The following CNTNAP2 variants were observed in gnomAD, a reference collection of about 807,000 sequenced individuals.
CNTNAP2 encodes the protein contactin associated protein 2, also known as contactin-associated protein-like 2.
CNTNAP2 carries 98 observed loss-of-function variants against 155.2 expected under a neutral mutation model. The observed-to-expected ratio is 0.63, with a 90% CI of 0.54 to 0.75. The LOEUF (loss-of-function observed/expected upper bound fraction) is 0.75. CNTNAP2 is among the 30% of genes least tolerant of loss of function. The probability of loss-of-function intolerance (pLI) is 0.00; values close to 1 mark genes in which losing one functional copy is unlikely to be tolerated. For synonymous variants in CNTNAP2, 651 were observed against 631.2 expected, an observed-to-expected ratio of 1.03 and a Z score of -0.47; for missense variants, 1,727 against 1,688.1, an observed-to-expected ratio of 1.02 and a Z score of -0.40.
rs564905979 is a variant in CNTNAP2, at chr7:146,931,424, C to T, written c.402+91520C>T. On this transcript the variant is annotated intron_variant, in intron 3 of 23. Coordinates refer to ENST00000361727, the MANE Select transcript of CNTNAP2 (RefSeq NM_014141.6). ...ACACAACATACCAGAATCTCTGGGA[C>T]GCATTCAAAGCAGTGTGTAGAGGGA... Among the ~76,000 whole-genome samples, 125 of 148,516 alleles carry T rather than the reference C, an allele frequency of 8.4e-4. 2 individuals are homozygous for T. The highest frequency in any genetic ancestry group is 3.7e-3 in the East Asian group (19 of 5,156).
chr7:146,193,044 T>C (rs1167479544), intron 1 of CNTNAP2, among the ~76,000 whole-genome samples: 1 of 152,240 alleles, frequency 6.6e-6, no homozygotes, highest in Non-Finnish European at 1.5e-5. Flanking sequence ...TTTGACTCCA[T>C]GTCTCACATC....
intron 8 of CNTNAP2, among the ~76,000 whole-genome samples, chr7:147,199,877 T>C (rs1192405429): frequency 1.3e-5 from 2 of 152,150 alleles, no homozygotes; most frequent in Non-Finnish European, 2.9e-5. Context: ...AAATGTGGAA[T>C]TAGCTAGAGA....
intron 3 of CNTNAP2, among the ~76,000 whole-genome samples, chr7:146,847,544 A>C (rs1794784085): frequency 6.6e-6 from 1 of 152,226 alleles, no homozygotes; most frequent in Non-Finnish European, 1.5e-5. Context: ...TGTCTGGAAC[A>C]TATTAATCAC....
At chr7:147,029,059 G>C (rs1798977163) in intron 3 of CNTNAP2, among the ~76,000 whole-genome samples, 1 of 150,858 alleles carries the variant, frequency 6.6e-6, no homozygotes, top group Admixed American at 6.6e-5. Flanking sequence ...CGCCTCTCGG[G>C]TTCACGCCAT....
chr7:146,668,550 T>C (rs1800241582), intron 1 of CNTNAP2, among the ~76,000 whole-genome samples: 1 of 152,078 alleles, frequency 6.6e-6, no homozygotes, highest in Non-Finnish European at 1.5e-5. Context: ...CTTCAATTTT[T>C]TGAAATAGTT....
At chr7:148,007,713 A>T (rs1047050139) in intron 15 of CNTNAP2, among the ~76,000 whole-genome samples, 2 of 152,162 alleles carry the variant, frequency 1.3e-5, no homozygotes, top group African/African-American at 4.8e-5. Context: ...TTAGGGTATG[A>T]TTCTAGCTTC....
intron 1 of CNTNAP2, among the ~76,000 whole-genome samples, chr7:146,124,575 G>A (rs1365900230): frequency 6.6e-6 from 1 of 152,040 alleles, no homozygotes; most frequent in African/African-American, 2.4e-5. Context: ...GGCCTATGAT[G>A]CATTAAATTA....
chr7:146,831,831 A>G (rs1230314028), intron 2 of CNTNAP2, among the ~76,000 whole-genome samples: 1 of 152,060 alleles, frequency 6.6e-6, no homozygotes, highest in East Asian at 1.9e-4. Flanking sequence ...TGGGTGACAA[A>G]CAGTACTATT....
chr7:147,395,503 A>G (rs763689169), intron 9 of CNTNAP2, 106 bp from the exon 10 acceptor site: 85 of 1,089,034 alleles, frequency 7.8e-5, no homozygotes, highest in Admixed American at 1.1e-4. Flanking sequence ...GATTAAAGAA[A>G]CAGTAGTTGG....
In CNTNAP2 at chr7:146,260,551, C is replaced by A. The variant is rs78557527; in HGVS notation, c.97+143578C>A. Among the ~76,000 whole-genome samples, 12 of 152,312 alleles carry A rather than the reference C, an allele frequency of 7.9e-5. No homozygotes were observed. In the East Asian group the frequency reaches 2.3e-3, roughly 29 times the overall value. On this transcript the variant is annotated intron_variant, in intron 1 of 23. Coordinates refer to ENST00000361727, the MANE Select transcript of CNTNAP2 (RefSeq NM_014141.6). ...GCATCAGCATGCTCTGGATGTGAGA[C>A]ATGGAGTCAAAAGAGATTATTTTGA...
chr7:147,979,577 T>C (rs1193730696), intron 15 of CNTNAP2, among the ~76,000 whole-genome samples: 1 of 152,212 alleles, frequency 6.6e-6, no homozygotes, highest in Non-Finnish European at 1.5e-5. Context: ...AATATATTTA[T>C]AAAAATTCCA....
chr7:147,841,339 G>C (rs851704), intron 13 of CNTNAP2, among the ~76,000 whole-genome samples: 106,885 of 152,084 alleles, frequency 0.7, 37,690 homozygotes, highest in Middle Eastern at 0.8. Flanking sequence ...TTGCCAGATC[G>C]TCTGTTTTCT....
intron 13 of CNTNAP2, among the ~76,000 whole-genome samples, chr7:147,689,529 A>G (rs537549940): frequency 3.3e-5 from 5 of 152,222 alleles, no homozygotes; most frequent in African/African-American, 7.2e-5. Context: ...CTCTTTACAC[A>G]TTTGTCCGAT....
chr7:146,896,169 G>T (rs973521867), intron 3 of CNTNAP2, among the ~76,000 whole-genome samples: 2 of 152,094 alleles, frequency 1.3e-5, no homozygotes, highest in Non-Finnish European at 2.9e-5. Context: ...CATGAATCCA[G>T]AATGATTGAT....
chr7:146,257,859 T>C (rs1475407682), intron 1 of CNTNAP2, among the ~76,000 whole-genome samples: 1 of 151,846 alleles, frequency 6.6e-6, no homozygotes, highest in East Asian at 1.9e-4. Flanking sequence ...TACCTTTTTG[T>C]GCAATTGAGC....
intron 1 of CNTNAP2, among the ~76,000 whole-genome samples, chr7:146,439,761 A>C (rs940208539): frequency 6.6e-6 from 1 of 151,560 alleles, no homozygotes; most frequent in Non-Finnish European, 1.5e-5. Context: ...ACTTAAAAAA[A>C]CACCTTTCCT....
chr7:146,169,411 G>A (rs1002180396), intron 1 of CNTNAP2, among the ~76,000 whole-genome samples: 1 of 152,166 alleles, frequency 6.6e-6, no homozygotes, highest in Admixed American at 6.6e-5. Flanking sequence ...GGCATAATGT[G>A]ATGATTTGAT....
At position 148,388,317 on chromosome 7, in the gene CNTNAP2, C is replaced by G. The variant is rs1400925079; in HGVS notation, c.3715+4429C>G. 4.5e-5 allele frequency among the ~76,000 whole-genome samples: 6 copies of G among 133,840 alleles called. No homozygotes were observed. In the Admixed American group the frequency reaches 4.8e-4, roughly 11 times the overall value. The allele number at this position is 133,840 out of a possible 152,430, so 87.8% of individuals were successfully genotyped here. A position where few individuals can be genotyped will look rare whatever the true frequency, so the allele number is the denominator to read the frequency against. ...CCCTCCCCCCACCCCACAATAGTCC[C>G]CAGAGTGTGATGTTCCCCTTCCTGT... On this transcript the variant is annotated intron_variant, in intron 22 of 23. Transcript: ENST00000361727.
chr7:147,441,905 GGAGCTGGGA>G (rs1424967807), intron 10 of CNTNAP2, among the ~76,000 whole-genome samples: 1 of 137,184 alleles, frequency 7.3e-6, no homozygotes, highest in Admixed American at 7.7e-5. Context: ...TGAGCCACGT[GGAGCTGGGA>G]GTGGAATGAC....
Sources: gnomAD v4.1 joint callset for allele counts (sites outside exome capture counted in the v4.1 genomes callset) on GRCh38, gnomAD v4.1.1 for gene constraint, MANE v1.5 for transcripts, NCBI Gene and HGNC (gene_info 2026-07-23, HGNC 2026-07-21) for gene names.